Variants in C1orf87 observed in about 807,000 individuals in gnomAD.
C1orf87 encodes uncharacterized protein C1orf87.
A neutral mutation model predicts 60.5 loss-of-function variants in C1orf87; 58 were observed. The observed-to-expected ratio is 0.96, with a 90% confidence interval of 0.78 to 1.19. The LOEUF is 1.19. Ranked by LOEUF, C1orf87 falls within the 50% of genes most tolerant of loss-of-function variation. The pLI is 0.00. For missense variants in C1orf87, 673 were observed against 638.6 expected, an observed-to-expected ratio of 1.05 and a Z score of -0.58; for synonymous variants, 236 against 227.4, an observed-to-expected ratio of 1.04 and a Z score of -0.34.
intron 8 of C1orf87, among the ~76,000 whole-genome samples, chr1:60,020,077 A>G (rs1319250892): frequency 9.9e-5 from 15 of 152,196 alleles, no homozygotes; most frequent in African/African-American, 3.6e-4. Context: ...TAGCTAAGAC[A>G]ATGGGGAAAA....
intron 7 of C1orf87, among the ~76,000 whole-genome samples, chr1:60,029,074 T>C (rs1645218698): frequency 6.6e-6 from 1 of 152,204 alleles, no homozygotes; most frequent in African/African-American, 2.4e-5. Context: ...AAAACTGAAC[T>C]CATCACTCCT....
At chr1:59,995,201 C>CACT (rs10674416) in intron 11 of C1orf87, among the ~76,000 whole-genome samples, 152,272 of 152,334 alleles carry the variant, frequency 1, 76,105 homozygotes, top group Non-Finnish European at 1. Context: ...ATCCATTATC[C>CACT]ATCACAAGTA....
intron 8 of C1orf87, among the ~76,000 whole-genome samples, chr1:60,022,997 C>T (rs769172065): frequency 4.6e-5 from 7 of 152,140 alleles, no homozygotes; most frequent in Non-Finnish European, 7.4e-5. Context: ...TTATAAATTA[C>T]TTATTTCTGG....
chr1:60,028,482 A>G (rs530376033), intron 7 of C1orf87, among the ~76,000 whole-genome samples: 23 of 152,328 alleles, frequency 1.5e-4, no homozygotes, highest in Non-Finnish European at 2.8e-4. Context: ...AATATTCATA[A>G]TGATGACCCT....
chr1:60,039,918 AT>A lies in C1orf87; in HGVS notation c.745del (p.Met249TrpfsTer2), dbSNP rs1574315429. On this transcript the variant is annotated frameshift_variant and splice_region_variant, in exon 5 of 12. Coordinates refer to ENST00000371201, the MANE Select transcript of C1orf87 (RefSeq NM_152377.3). LOFTEE classifies it high-confidence loss of function. ...QRFSKRGSPE[M>X]VNYEKLLWFL... ...CTTCCAATAGTACAATTGCCATACC[AT>A]TTCAGGAGAACCCCTCTTAGAAAAT... 3 of 1,612,964 alleles carry A rather than the reference AT, an allele frequency of 1.9e-6. No homozygotes were observed. The African/African-American group carries it at 4.0e-5, about 22-fold the overall frequency.
chr1:60,001,998 G>A (rs1645009438), intron 9 of C1orf87, among the ~76,000 whole-genome samples: 1 of 152,064 alleles, frequency 6.6e-6, no homozygotes, highest in Admixed American at 6.6e-5. Context: ...TGATCACTCA[G>A]TACCTTCCAT....
chr1:60,022,789 T>C (rs989478603), intron 8 of C1orf87, among the ~76,000 whole-genome samples: 9 of 152,072 alleles, frequency 5.9e-5, no homozygotes, highest in African/African-American at 2.2e-4. Context: ...ATAAGCAAAA[T>C]AAGAATTACT....
intron 9 of C1orf87, among the ~76,000 whole-genome samples, chr1:60,003,131 C>T (rs1176881511): frequency 1.4e-5 from 2 of 147,792 alleles, no homozygotes; most frequent in African/African-American, 2.5e-5. Flanking sequence ...CCATGGAATA[C>T]TATGCAGCCA....
rs780217812 is a variant in C1orf87, at chr1:60,041,085, T to G, written c.389A>C (p.Asp130Ala). 3.7e-6 allele frequency: 6 copies of G among 1,612,536 alleles called. No individual in the cohort carries two copies. The Admixed American group carries it at 8.3e-5, about 22-fold the overall frequency. Residue 130 changes from aspartate to alanine, a missense_variant, in exon 4 of 12, where the codon GAC becomes GCC. Physicochemically the swap from Asp to Ala is moderately radical, Grantham distance 126 (BLOSUM62 -2). Transcript: ENST00000371201. ...GCCATGCACATAGGATAAGGACTGG[T>G]CTCCGGTTGGTACAGAGCTGCAGTG... is the stretch of plus-strand genomic sequence containing the variant. The part of the protein sequence containing the change: ...NVHCSSVPTG[D>A]QSLSYVHGIP...
intron 9 of C1orf87, among the ~76,000 whole-genome samples, chr1:60,007,359 A>G (rs1645053985): frequency 6.6e-6 from 1 of 152,050 alleles, no homozygotes; most frequent in Non-Finnish European, 1.5e-5. Flanking sequence ...TTAAATTTTA[A>G]TTTTTATAAA....
chr1:59,999,389 T>A (rs953901307), intron 10 of C1orf87, among the ~76,000 whole-genome samples: 4 of 152,164 alleles, frequency 2.6e-5, no homozygotes, highest in Non-Finnish European at 5.9e-5. Context: ...TTTAGAGCAT[T>A]GGACTACTTT....
intron 6 of C1orf87, among the ~76,000 whole-genome samples, chr1:60,034,842 T>C (rs917420785): frequency 2.0e-5 from 3 of 152,194 alleles, no homozygotes; most frequent in Non-Finnish European, 4.4e-5. Flanking sequence ...TTTTGTTCCT[T>C]ACTGTTTCCC....
In C1orf87 at chr1:60,007,818, A is replaced by C. The variant is rs559198918; in HGVS notation, c.1192+2574T>G. ...GATTTTTATGATTCTTAATGATATAAATTTTCTAATAAAGGCAGTATATAT... is the reference window on the plus strand; with the variant it reads ...GATTTTTATGATTCTTAATGATATACATTTTCTAATAAAGGCAGTATATAT... On this transcript the variant is annotated intron_variant, in intron 9 of 11. Transcript: ENST00000371201. Among the ~76,000 whole-genome samples the C allele has an allele frequency of 6.6e-5, 10 of 152,134 alleles. No homozygotes were observed. In the East Asian group the frequency reaches 1.9e-3, roughly 29 times the overall value.
At chr1:60,005,770 C>CGTGTGT (rs139222813) in intron 9 of C1orf87, among the ~76,000 whole-genome samples, 7 of 144,004 alleles carry the variant, frequency 4.9e-5, no homozygotes, top group African/African-American at 1.5e-4. Context: ...GAAGCTGATT[C>CGTGTGT]GTGTGTGTGT....
At chr1:60,043,347 G>A (rs564655050) in intron 3 of C1orf87, among the ~76,000 whole-genome samples, 1 of 152,112 alleles carries the variant, frequency 6.6e-6, no homozygotes, top group Non-Finnish European at 1.5e-5. Context: ...AATTACACTA[G>A]GATGAGGGAG....
At chr1:60,049,243 G>C (rs960933414) in intron 3 of C1orf87, among the ~76,000 whole-genome samples, 1 of 151,902 alleles carries the variant, frequency 6.6e-6, no homozygotes, top group East Asian at 1.9e-4. Context: ...TTCCAACAAA[G>C]TATATTATCA....
intron 5 of C1orf87, 65 bp from the exon 6 acceptor site, chr1:60,038,172 A>T: frequency 9.9e-7 from 1 of 1,008,880 alleles, no homozygotes. Context: ...AGGCCTGTTG[A>T]GATAAAATGT....
At chr1:60,067,139 C>T (rs1320445218) in intron 2 of C1orf87, among the ~76,000 whole-genome samples, 2 of 152,094 alleles carry the variant, frequency 1.3e-5, no homozygotes, top group African/African-American at 4.8e-5. Flanking sequence ...AATAAACATA[C>T]GTGTGCATGT....
At position 59,997,711 on chromosome 1, in the gene C1orf87, C is replaced by T. The variant is rs769134459; in HGVS notation, c.1378G>A (p.Val460Met). ...GCCTTGTTCTTCACAGCTGGATTCA[C>T]GAAGGGCTGGGAGACTGGCCTGATC... is the stretch of plus-strand genomic sequence containing the variant. Reference protein sequence around the residue: ...LKIRPVSQPFVNPAVKNKAEE... With the variant: ...LKIRPVSQPFMNPAVKNKAEE... Residue 460 changes from valine (V) to methionine (M), a missense_variant, in exon 11 of 12, where the codon GTG becomes ATG. Coordinates refer to ENST00000371201, the MANE Select transcript of C1orf87 (RefSeq NM_152377.3). 72 of 1,613,826 alleles carry T rather than the reference C, an allele frequency of 4.5e-5. No individual in the cohort carries two copies. The highest frequency in any genetic ancestry group is 1.6e-4 in the Middle Eastern group (1 of 6,084).
Sources: allele counts gnomAD v4.1 joint callset (sites outside exome capture counted in the v4.1 genomes callset), GRCh38; gene constraint gnomAD v4.1.1; transcripts MANE v1.5; gene names NCBI Gene and HGNC (gene_info 2026-07-23, HGNC 2026-07-21).